The following ST6GALNAC5 variants were observed in gnomAD, a reference collection of about 807,000 sequenced individuals.
ST6GALNAC5 encodes the protein alpha-N-acetylgalactosaminide alpha-2,6-sialyltransferase 5.
A neutral mutation model predicts 33.6 loss-of-function variants in ST6GALNAC5; 27 were observed. The ratio of observed to expected loss-of-function variants is 0.80; its 90% CI spans 0.59 to 1.11. The LOEUF is 1.11. ST6GALNAC5 is among the 50% of genes least tolerant of loss of function. The probability of loss-of-function intolerance (pLI) is 0.00; values close to 1 mark genes in which losing one functional copy is unlikely to be tolerated. For synonymous variants in ST6GALNAC5, 194 were observed against 171.2 expected (o/e 1.13, Z -1.04); for missense variants, 428 against 454.0 (o/e 0.94, Z 0.52).
intron 2 of ST6GALNAC5, among the ~76,000 whole-genome samples, chr1:76,983,096 G>T (rs1041697575): frequency 6.6e-6 from 1 of 151,016 alleles, no homozygotes; most frequent in African/African-American, 2.4e-5. Context: ...GGAAGAAACT[G>T]CATCAATTAA....
At chr1:76,996,333 T>C (rs1649937667) in intron 2 of ST6GALNAC5, among the ~76,000 whole-genome samples, 2 of 152,228 alleles carry the variant, frequency 1.3e-5, no homozygotes, top group Non-Finnish European at 2.9e-5. Flanking sequence ...ACAACAGAGA[T>C]GTATTAAGTG....
chr1:77,017,689 A>G (rs921919041), intron 2 of ST6GALNAC5, among the ~76,000 whole-genome samples: 3 of 152,246 alleles, frequency 2.0e-5, no homozygotes, highest in African/African-American at 7.2e-5. Flanking sequence ...TGTAGAAGGA[A>G]AAGTAATGGT....
chr1:77,017,131 C>A (rs1194409613), intron 2 of ST6GALNAC5, among the ~76,000 whole-genome samples: 3 of 140,824 alleles, frequency 2.1e-5, no homozygotes, highest in Non-Finnish European at 3.0e-5. Flanking sequence ...GTGTTTCAGA[C>A]TCTGTAATCA....
At chr1:76,962,307 A>G (rs1286138539) in intron 2 of ST6GALNAC5, among the ~76,000 whole-genome samples, 1 of 152,226 alleles carries the variant, frequency 6.6e-6, no homozygotes, top group African/African-American at 2.4e-5. Flanking sequence ...AAAGACAGTG[A>G]GGAGAAAAGC....
At chr1:76,988,244 A>G (rs146217274) in intron 2 of ST6GALNAC5, among the ~76,000 whole-genome samples, 4 of 152,050 alleles carry the variant, frequency 2.6e-5, no homozygotes, top group Admixed American at 2.6e-4. Flanking sequence ...TATTTATGCT[A>G]TCTACTTCAC....
At position 77,050,350 on chromosome 1, in the gene ST6GALNAC5, C is replaced by A. The variant is rs1326751816; in HGVS notation, c.764C>A (p.Pro255His). The change falls in exon 4 of 5, where the codon CCC becomes CAC. Residue 255 changes from proline (P) to histidine (H), a missense_variant. Coordinates refer to ENST00000477717, the MANE Select transcript of ST6GALNAC5 (RefSeq NM_030965.3). ...CDRINVYGMV[P>H]PDFCRDPNHP... ...AGGATCAATGTTTATGGCATGGTGC[C>A]CCCAGACTTCTGCAGGTAGGATTTA... The A allele has an allele frequency of 1.2e-6, 2 of 1,613,964 alleles. No individual in the cohort carries two copies. The highest frequency in any genetic ancestry group is 1.7e-6 in the Non-Finnish European group (2 of 1,179,862).
chr1:76,891,831 A>T (rs1654019736), intron 2 of ST6GALNAC5, among the ~76,000 whole-genome samples: 1 of 152,090 alleles, frequency 6.6e-6, no homozygotes, highest in Non-Finnish European at 1.5e-5. Context: ...TTGTTGAAAA[A>T]ACTCTGCTTT....
chr1:76,968,360 C>A (rs900471794), intron 2 of ST6GALNAC5, among the ~76,000 whole-genome samples: 4 of 152,092 alleles, frequency 2.6e-5, no homozygotes, highest in Non-Finnish European at 5.9e-5. Context: ...CTCTTTTGAT[C>A]TTTGTTGGTT....
intron 2 of ST6GALNAC5, among the ~76,000 whole-genome samples, chr1:77,016,172 C>CTCTA (rs145710119): frequency 0.16 from 2,401 of 15,312 alleles, 1,045 homozygotes; most frequent in South Asian, 0.32. Flanking sequence ...CCTCCTCCTC[C>CTCTA]TGTCCTCCCC....
intron 2 of ST6GALNAC5, among the ~76,000 whole-genome samples, chr1:76,931,083 T>C (rs182019436): frequency 1.2e-4 from 19 of 152,272 alleles, no homozygotes; most frequent in African/African-American, 4.1e-4. Context: ...GTTTCTCCTT[T>C]GCTTGATGGC....
chr1:76,937,809 G>A (rs1198951978), intron 2 of ST6GALNAC5, among the ~76,000 whole-genome samples: 1 of 152,034 alleles, frequency 6.6e-6, no homozygotes, highest in African/African-American at 2.4e-5. Context: ...TTTCAGTAAG[G>A]ACAAGAGAAC....
Position 76,974,789 on chromosome 1 carries a change from T to TTTTC in ST6GALNAC5, c.262-69412_262-69411insCTTT, listed in dbSNP as rs1241834479. On this transcript the variant is annotated intron_variant, in intron 2 of 4. Coordinates refer to ENST00000477717, the MANE Select transcript of ST6GALNAC5 (RefSeq NM_030965.3). ...TCTTTCTTTCTTTTTTTTTTTTTTT[T>TTTTC]TTTTTTTTTTGAGGCAGAGTTTTGC... Among the ~76,000 whole-genome samples the TTTTC allele has an allele frequency of 1.5e-5, 2 of 130,284 alleles. 1 individual carries two copies. The highest frequency in any genetic ancestry group is 3.3e-5 in the Non-Finnish European group (2 of 61,534). 85.5% of individuals were successfully genotyped at this position (130,284 alleles called of 152,430 possible). A position where few individuals can be genotyped will look rare whatever the true frequency, so the allele number is the denominator to read the frequency against.
intron 2 of ST6GALNAC5, among the ~76,000 whole-genome samples, chr1:77,036,829 G>A (rs1557769760): frequency 6.6e-6 from 1 of 152,234 alleles, no homozygotes; most frequent in Non-Finnish European, 1.5e-5. Context: ...GAGCTTAAAC[G>A]TGTAGATGTA....
At chr1:76,886,368 G>A (rs1216646502) in intron 2 of ST6GALNAC5, among the ~76,000 whole-genome samples, 2 of 151,964 alleles carry the variant, frequency 1.3e-5, no homozygotes, top group South Asian at 2.1e-4. Flanking sequence ...TCAAGTATAT[G>A]GTATTATATC....
chr1:76,890,902 G>A (rs1487716557), intron 2 of ST6GALNAC5, among the ~76,000 whole-genome samples: 4 of 152,134 alleles, frequency 2.6e-5, no homozygotes, highest in Admixed American at 2.0e-4. Flanking sequence ...AAGTGAGAAA[G>A]TGAATGATTA....
At chr1:76,970,146 T>G (rs1183688116) in intron 2 of ST6GALNAC5, among the ~76,000 whole-genome samples, 1 of 151,924 alleles carries the variant, frequency 6.6e-6, no homozygotes, top group Non-Finnish European at 1.5e-5. Context: ...TGCTTCTTCC[T>G]CCTCCAAAGG....
intron 2 of ST6GALNAC5, among the ~76,000 whole-genome samples, chr1:76,941,796 G>A (rs1023539874): frequency 3.9e-5 from 6 of 152,056 alleles, no homozygotes; most frequent in Non-Finnish European, 7.4e-5. Context: ...CTTGATTTCT[G>A]ATTTCTGGCC....
intron 2 of ST6GALNAC5, among the ~76,000 whole-genome samples, chr1:76,933,577 G>T (rs1647166005): frequency 1.3e-5 from 2 of 151,908 alleles, no homozygotes; most frequent in South Asian, 4.1e-4. Flanking sequence ...TTTGGGTTGT[G>T]ACCAGACAGC....
At chr1:76,930,413 C>T (rs970242658) in intron 2 of ST6GALNAC5, among the ~76,000 whole-genome samples, 10 of 152,046 alleles carry the variant, frequency 6.6e-5, no homozygotes, top group South Asian at 2.1e-4. Flanking sequence ...GTAGCAGTTT[C>T]GTGAATAACC....
Sources: gnomAD v4.1 joint callset for allele counts (sites outside exome capture counted in the v4.1 genomes callset) on GRCh38, gnomAD v4.1.1 for gene constraint, MANE v1.5 for transcripts, NCBI Gene and HGNC (gene_info 2026-07-23, HGNC 2026-07-21) for gene names.